Variants in SLC7A6OS observed in about 807,000 individuals in gnomAD.
SLC7A6OS encodes solute carrier family 7 member 6 opposite strand, also known as probable RNA polymerase II nuclear localization protein SLC7A6OS.
In SLC7A6OS, 22 loss-of-function variants were observed where a neutral mutation model predicts 34.3. The ratio of observed to expected loss-of-function variants is 0.64; its 90% CI spans 0.46 to 0.92. SLC7A6OS has a LOEUF of 0.92. SLC7A6OS is among the 40% of genes least tolerant of loss of function. The pLI, the probability that SLC7A6OS is intolerant of heterozygous loss-of-function variation, is 0.00. For missense variants in SLC7A6OS, 434 were observed against 407.7 expected (o/e 1.06, Z -0.56); for synonymous variants, 199 against 165.0 (o/e 1.21, Z -1.58).
At position 68,298,308 on chromosome 16, in the gene SLC7A6OS, C is replaced by T. The variant is rs1315839173; in HGVS notation, c.*2967G>A. 2.0e-5 allele frequency: 3 copies of T among 152,628 alleles called. No homozygotes were observed. Among genetic ancestry groups the T allele is most frequent in the Non-Finnish European group, 4.4e-5 (3 of 68,042 alleles). 9.5% of individuals were successfully genotyped at this position (152,628 alleles called of 1,614,324 possible). On this transcript the variant is annotated 3_prime_UTR_variant, in exon 5 of 5. Transcript: ENST00000263997. Reference sequence around the variant, plus strand: ...TATTCAGGTGGATCACCTGAATTCTCTCAGCTGTCAATGGCTTGGAGAACA... The same window carrying T: ...TATTCAGGTGGATCACCTGAATTCTTTCAGCTGTCAATGGCTTGGAGAACA...
rs1041749849 is a variant in SLC7A6OS at position 68,300,185 on chromosome 16, T to C, written c.*1090A>G. 3 of 152,152 alleles carry C rather than the reference T, an allele frequency of 2.0e-5. No homozygotes were observed. Among genetic ancestry groups the C allele is most frequent in the African/African-American group, 4.8e-5 (2 of 41,430 alleles). The allele number at this position is 152,152 out of a possible 1,614,324, so 9.4% of individuals were successfully genotyped here. Reference sequence around the variant, plus strand: ...CTAATTACATTAAAATGAAATAAAATTAAAAGCTCAGTTTCTCAGTTGCGC... The same window carrying C: ...CTAATTACATTAAAATGAAATAAAACTAAAAGCTCAGTTTCTCAGTTGCGC... On this transcript the variant is annotated 3_prime_UTR_variant, in exon 5 of 5. Coordinates refer to ENST00000263997, the MANE Select transcript of SLC7A6OS (RefSeq NM_032178.3).
chr16:68,303,982 A>C (rs1177472267), intron 3 of SLC7A6OS, 44 bp downstream of exon 3: 4 of 1,541,620 alleles, frequency 2.6e-6, no homozygotes, highest in Non-Finnish European at 3.6e-6. Flanking sequence ...TTAGATTAAG[A>C]GCTTAGGATG....
intron 3 of SLC7A6OS, among the ~76,000 whole-genome samples, chr16:68,302,927 G>A (rs1489336087): frequency 2.6e-5 from 4 of 152,210 alleles, no homozygotes; most frequent in Admixed American, 2.6e-4. Context: ...GTCTGAGCAT[G>A]ACCATTAGGT....
chr16:68,301,902 T>C (rs1332122027), intron 4 of SLC7A6OS: 4 of 161,688 alleles, frequency 2.5e-5, no homozygotes, highest in African/African-American at 9.6e-5. Flanking sequence ...ATTATGTCTG[T>C]GTTGCATCTT....
chr16:68,308,957 TAGG>T (rs1285098791), intron 2 of SLC7A6OS, among the ~76,000 whole-genome samples: 1 of 149,418 alleles, frequency 6.7e-6, no homozygotes, highest in Non-Finnish European at 1.5e-5. Flanking sequence ...GAGGCTGAGG[TAGG>T]AGAATTGCTT....
chr16:68,301,581 T>A (rs571102274), intron 4 of SLC7A6OS, 176 bp from the exon 5 acceptor site: 1 of 507,796 alleles, frequency 2.0e-6, no homozygotes, highest in Non-Finnish European at 3.3e-6. Context: ...CACTTTCCTA[T>A]CATCTAAACC....
Position 68,310,333 on chromosome 16 carries a change from A to G in SLC7A6OS, c.471+2T>C. 1 of 1,593,792 alleles carries G rather than the reference A, an allele frequency of 6.3e-7. No individual in the cohort carries two copies. Among genetic ancestry groups the G allele is most frequent in the Non-Finnish European group, 8.6e-7 (1 of 1,166,492 alleles). On this transcript the variant is annotated splice_donor_variant, in intron 2 of 4. Coordinates refer to ENST00000263997, the MANE Select transcript of SLC7A6OS (RefSeq NM_032178.3). LOFTEE classifies it high-confidence loss of function. Reference sequence around the variant, plus strand: ...AGCGACCACCTTCAGGGGCATACTCACTTTGCAGGAGCCTGCAGAGGCGGC... The same window carrying G: ...AGCGACCACCTTCAGGGGCATACTCGCTTTGCAGGAGCCTGCAGAGGCGGC...
intron 2 of SLC7A6OS, 98 bp from the exon 3 acceptor site, chr16:68,304,330 G>T: frequency 9.0e-7 from 1 of 1,114,538 alleles, no homozygotes; most frequent in Non-Finnish European, 1.3e-6. Context: ...GCTCCCTACA[G>T]TTTTTTTTGA....
At position 68,301,293 on chromosome 16, in the gene SLC7A6OS, G is replaced by T. The variant is rs778022325; in HGVS notation, c.912C>A (p.His304Gln). ...VQKEFGYDSP[H>Q]DLDSD is the part of the protein sequence containing the mutation. ...AAGACCATCAGTCTGAATCCAGGTC[G>T]TGGGGGCTGTCATAGCCGAACTCCT... is the stretch of plus-strand genomic sequence containing the variant. The change falls in exon 5 of 5, where the codon CAC becomes CAA. Residue 304 changes from histidine (H) to glutamine (Q), a missense_variant. Transcript: ENST00000263997. 1 of 1,613,938 alleles carries T rather than the reference G, an allele frequency of 6.2e-7. No individual in the cohort carries two copies. Among genetic ancestry groups the T allele is most frequent in the African/African-American group, 1.3e-5 (1 of 74,932 alleles).
In SLC7A6OS at chr16:68,301,356, TCTG is replaced by T. The variant is rs1567601222; in HGVS notation, c.846_848del (p.Ser282del). ...GAGGGTACTTGCTCCACATCCGCTGTCTGCTGCTGCCTCTTTCCTCCTCACTCA... is the reference window on the plus strand; with the variant it reads ...GAGGGTACTTGCTCCACATCCGCTGTCTGCTGCCTCTTTCCTCCTCACTCA... On this transcript the variant is annotated inframe_deletion, in exon 5 of 5. Coordinates refer to ENST00000263997, the MANE Select transcript of SLC7A6OS (RefSeq NM_032178.3). 1 of 1,614,184 alleles carries T rather than the reference TCTG, an allele frequency of 6.2e-7. No individual in the cohort carries two copies.
rs1471622149 is a variant in SLC7A6OS, at chr16:68,299,280, G to C, written c.*1995C>G. On this transcript the variant is annotated 3_prime_UTR_variant, in exon 5 of 5. Coordinates refer to ENST00000263997, the MANE Select transcript of SLC7A6OS (RefSeq NM_032178.3). ...ACCCCAGCTTTAGCTTTCTCCACCA[G>C]ATAACCAGCTAATCCCAGGAATTTG... 8.5e-5 allele frequency: 13 copies of C among 152,634 alleles called. No homozygotes were observed. Among genetic ancestry groups the C allele is most frequent in the Admixed American group, 7.9e-4 (12 of 15,280 alleles). 9.5% of individuals were successfully genotyped at this position (152,634 alleles called of 1,614,324 possible).
Position 68,310,622 on chromosome 16 carries a change from C to G in SLC7A6OS, c.193-9G>C. The G allele has an allele frequency of 6.9e-6, 11 of 1,590,990 alleles. No individual in the cohort carries two copies. Among genetic ancestry groups the G allele is most frequent in the Non-Finnish European group, 9.4e-6 (11 of 1,166,030 alleles). On this transcript the variant is annotated splice_polypyrimidine_tract_variant and intron_variant, in intron 1 of 4. Coordinates refer to ENST00000263997, the MANE Select transcript of SLC7A6OS (RefSeq NM_032178.3). ...GGCTGGACTGGTTCCTCCTAGGGGG[C>G]AACAGGGGACGGAGGCCAGCGTAAG...
chr16:68,299,595 TTTA>T lies in SLC7A6OS; in HGVS notation c.*1677_*1679del, dbSNP rs1446023365. On this transcript the variant is annotated 3_prime_UTR_variant, in exon 5 of 5. Coordinates refer to ENST00000263997, the MANE Select transcript of SLC7A6OS (RefSeq NM_032178.3). ...ATTATCCCTTTTGCAGTGAGTACAG[TTTA>T]TTAAGTTGTCAGCCCTTTAATATTG... is the stretch of plus-strand genomic sequence containing the variant. The T allele has an allele frequency of 1.3e-5, 2 of 152,234 alleles. No homozygotes were observed. The highest frequency in any genetic ancestry group is 3.9e-4 in the East Asian group (2 of 5,190). 9.4% of individuals were successfully genotyped at this position (152,234 alleles called of 1,614,324 possible).
intron 3 of SLC7A6OS, 101 bp from the exon 4 acceptor site, chr16:68,302,602 G>T: frequency 6.8e-7 from 1 of 1,462,164 alleles, no homozygotes; most frequent in Non-Finnish European, 9.5e-7. Flanking sequence ...TCATGTAAAA[G>T]TGCCCTGTGA....
Position 68,310,559 on chromosome 16 carries a change from G to T in SLC7A6OS, c.247C>A (p.Gln83Lys). Residue 83 changes from glutamine to lysine, a missense_variant, in exon 2 of 5, where the codon CAG becomes AAG. Transcript: ENST00000263997. ...CGGAGATTACGGCGGACACGCTGCT[G>T]GCTGTCCCGTGACGGGCGCAGAACT... ...REVLRPSRDS[Q>K]QRVRRNLRAS... 1 of 1,582,934 alleles carries T rather than the reference G, an allele frequency of 6.3e-7. No individual in the cohort carries two copies. The highest frequency in any genetic ancestry group is 8.6e-7 in the Non-Finnish European group (1 of 1,165,984).
rs2043512094 is a variant in SLC7A6OS at position 68,310,901 on chromosome 16, A to G, written c.26T>C (p.Leu9Pro). Residue 9 changes from leucine to proline, a missense_variant, in exon 1 of 5, where the codon CTC becomes CCC. By Grantham distance (98) the Leu-to-Pro change is moderately conservative (BLOSUM62 -3). Coordinates refer to ENST00000263997, the MANE Select transcript of SLC7A6OS (RefSeq NM_032178.3). Reference protein sequence around the residue: MEAARTAVLRVKRKRSAEP... With the variant: MEAARTAVPRVKRKRSAEP... ...CGCACTGCGCTTCCGCTTCACCCGGAGTACAGCGGTCCTGGCGGCCTCCAT... is the reference window on the plus strand; with the variant it reads ...CGCACTGCGCTTCCGCTTCACCCGGGGTACAGCGGTCCTGGCGGCCTCCAT... 4 of 1,597,790 alleles carry G rather than the reference A, an allele frequency of 2.5e-6. No homozygotes were observed. Among genetic ancestry groups the G allele is most frequent in the Non-Finnish European group, 3.4e-6 (4 of 1,174,386 alleles).
At position 68,301,202 on chromosome 16, in the gene SLC7A6OS, C is replaced by T; in HGVS notation, c.*73G>A. 1 of 1,554,848 alleles carries T rather than the reference C, an allele frequency of 6.4e-7. No homozygotes were observed. The highest frequency in any genetic ancestry group is 1.2e-5 in the South Asian group (1 of 83,014). On this transcript the variant is annotated 3_prime_UTR_variant, in exon 5 of 5. Transcript: ENST00000263997. ...TAAGCTAGGAAACCTAACAGGATGT[C>T]AGCAGGGCAGTTAACTCTGGACTCA...
At chr16:68,305,567 A>C (rs567420990) in intron 2 of SLC7A6OS, among the ~76,000 whole-genome samples, 21 of 152,298 alleles carry the variant, frequency 1.4e-4, no homozygotes, top group Admixed American at 2.6e-4. Flanking sequence ...AAAATGGGGA[A>C]GATCCCATGG....
Position 68,299,892 on chromosome 16 carries a change from A to G in SLC7A6OS, c.*1383T>C, listed in dbSNP as rs2043239342. 1 of 152,222 alleles carries G rather than the reference A, an allele frequency of 6.6e-6. No individual in the cohort carries two copies. Among genetic ancestry groups the G allele is most frequent in the Non-Finnish European group, 1.5e-5 (1 of 68,040 alleles). The allele number at this position is 152,222 out of a possible 1,614,324, so 9.4% of individuals were successfully genotyped here. ...AGAATTTAATCACTTCGGCAGGTTG[A>G]ACAACTCCATGTAGATAAGAGCAAG... On this transcript the variant is annotated 3_prime_UTR_variant, in exon 5 of 5. Coordinates refer to ENST00000263997, the MANE Select transcript of SLC7A6OS (RefSeq NM_032178.3).
Sources: gnomAD v4.1 joint callset for allele counts (sites outside exome capture counted in the v4.1 genomes callset) on GRCh38, gnomAD v4.1.1 for gene constraint, MANE v1.5 for transcripts, NCBI Gene and HGNC (gene_info 2026-07-23, HGNC 2026-07-21) for gene names.